HHIP: variants seen among roughly 807,000 people sequenced by gnomAD.
The protein encoded by HHIP is hedgehog interacting protein.
Under a neutral mutation model 74.0 loss-of-function variants are expected in HHIP, and 12 were observed. That is an observed-to-expected ratio of 0.16 (90% CI 0.10 to 0.26). HHIP has a LOEUF of 0.26. HHIP is among the 10% of genes least tolerant of loss of function. HHIP has a pLI of 1.00. For missense variants in HHIP, 788 were observed against 845.0 expected (o/e 0.93, Z 0.84); for synonymous variants, 309 against 311.6 (o/e 0.99, Z 0.09).
At position 144,652,477 on chromosome 4, in the gene HHIP, A is replaced by T; in HGVS notation, c.280-128A>T. 3 of 631,090 alleles carry T rather than the reference A, an allele frequency of 4.8e-6. No individual in the cohort carries two copies. In the South Asian group the frequency reaches 5.9e-5, roughly 12 times the overall value. 39.1% of individuals were successfully genotyped at this position (631,090 alleles called of 1,614,324 possible). On this transcript the variant is annotated intron_variant, in intron 1 of 12. Coordinates refer to ENST00000296575, the MANE Select transcript of HHIP (RefSeq NM_022475.3). ...AAGGCATTCTGTATTGTGACACAGT[A>T]ATTCTTTTCAAAAAACTTCATTGGC... is the stretch of plus-strand genomic sequence containing the variant.
In HHIP at chr4:144,741,336, T is replaced by A. The variant is rs1325937589; in HGVS notation, c.*3379T>A. On this transcript the variant is annotated 3_prime_UTR_variant, in exon 13 of 13. Coordinates refer to ENST00000296575, the MANE Select transcript of HHIP (RefSeq NM_022475.3). The stretch of plus-strand genomic sequence containing the variant: ...TTCTTTGAAAATAATTACAAAATAG[T>A]ATACTAACAATTTTAATCCATTTGC... The A allele has an allele frequency of 1.3e-5, 2 of 151,394 alleles. No homozygotes were observed. The highest frequency in any genetic ancestry group is 2.4e-5 in the African/African-American group (1 of 41,306). The allele number at this position is 151,394 out of a possible 1,614,324, so 9.4% of individuals were successfully genotyped here. A position where few individuals can be genotyped will look rare whatever the true frequency, so the allele number is the denominator to read the frequency against.
chr4:144,706,450 G>C (rs1730147525), intron 4 of HHIP, 81 bp from the exon 5 acceptor site: 1 of 1,122,814 alleles, frequency 8.9e-7, no homozygotes, highest in South Asian at 2.0e-5. Flanking sequence ...GAAAGAAAGA[G>C]ACTCTTTTGG....
intron 4 of HHIP, among the ~76,000 whole-genome samples, chr4:144,691,896 G>GA (rs10709525): frequency 4.3e-4 from 64 of 149,202 alleles, no homozygotes; most frequent in African/African-American, 6.9e-4. Context: ...TACCAAAATA[G>GA]AAAAAAAAAA....
At chr4:144,724,648 T>TTG (rs10565498) in intron 11 of HHIP, among the ~76,000 whole-genome samples, 2,087 of 142,446 alleles carry the variant, frequency 0.015, 15 homozygotes, top group African/African-American at 0.023. Context: ...CAGTCTTCTT[T>TTG]TGTGTGTGTG....
intron 7 of HHIP, 137 bp downstream of exon 7, chr4:144,708,448 C>A: frequency 1.4e-6 from 1 of 732,332 alleles, no homozygotes; most frequent in Non-Finnish European, 2.2e-6. Context: ...AAAGTCACAA[C>A]AGGTCATTAC....
Position 144,658,804 on chromosome 4 carries a change from A to C in HHIP, c.487A>C (p.Thr163Pro), listed in dbSNP as rs781667944. The C allele has an allele frequency of 1.1e-5, 18 of 1,612,016 alleles. No homozygotes were observed. The highest frequency in any genetic ancestry group is 5.9e-6 in the Non-Finnish European group (7 of 1,179,088). Residue 163 changes from threonine to proline, a missense_variant, in exon 3 of 13, where the codon ACT becomes CCT. Around this residue, in one of 3 missense-constraint regions of HHIP, gnomAD observed 373 missense variants for 366.4 expected, o/e 1.02. Coordinates refer to ENST00000296575, the MANE Select transcript of HHIP (RefSeq NM_022475.3). The stretch of plus-strand genomic sequence containing the variant: ...ATTTTTTAAAGGTTTCCTTCAAACA[A>C]CTGCGGATGAGTTTTGCTTTTACTA... ...RGHIPGFLQT[T>P]ADEFCFYYAR...
At position 144,652,716 on chromosome 4, in the gene HHIP, T is replaced by C. The variant is rs765474013; in HGVS notation, c.391T>C (p.Leu131=). Residue 131 remains leucine (L), a synonymous_variant, in exon 2 of 13, where the codon TTG becomes CTG. Coordinates refer to ENST00000296575, the MANE Select transcript of HHIP (RefSeq NM_022475.3). ...SLFHSPEREV[L]ERDLVLPLLC... Reference sequence around the variant, plus strand: ...GTTCCACTCACCTGAGAGAGAAGTCTTGGAAAGAGACCTAGTACTTCCTCT... The same window carrying C: ...GTTCCACTCACCTGAGAGAGAAGTCCTGGAAAGAGACCTAGTACTTCCTCT... 4.3e-6 allele frequency: 7 copies of C among 1,613,050 alleles called. No homozygotes were observed. In the Admixed American group the frequency reaches 6.7e-5, roughly 15 times the overall value.
At chr4:144,687,122 A>AG (rs1184701955) in intron 4 of HHIP, among the ~76,000 whole-genome samples, 1 of 152,106 alleles carries the variant, frequency 6.6e-6, no homozygotes, top group Admixed American at 6.6e-5. Context: ...CATTGGTTAC[A>AG]GCTTCATAAT....
At chr4:144,725,185 C>T (rs1730762689) in intron 11 of HHIP, among the ~76,000 whole-genome samples, 1 of 152,102 alleles carries the variant, frequency 6.6e-6, no homozygotes, top group Admixed American at 6.6e-5. Flanking sequence ...CTGAAACAGT[C>T]ATGCAAATTT....
chr4:144,671,260 A>C (rs1339892081), intron 4 of HHIP, among the ~76,000 whole-genome samples: 1 of 151,832 alleles, frequency 6.6e-6, no homozygotes, highest in East Asian at 1.9e-4. Context: ...ATAGCTCTTT[A>C]ATTGCATAAA....
At chr4:144,698,134 G>A (rs1194419861) in intron 4 of HHIP, among the ~76,000 whole-genome samples, 1 of 152,084 alleles carries the variant, frequency 6.6e-6, no homozygotes, top group East Asian at 1.9e-4. Context: ...TACCCCATGA[G>A]ACACTTCCTA....
rs1731190644 is a variant in HHIP at position 144,738,722 on chromosome 4, TCACCTAGATGAAA to T, written c.*771_*783del. On this transcript the variant is annotated 3_prime_UTR_variant, in exon 13 of 13. Transcript: ENST00000296575. Reference sequence around the variant, plus strand: ...TTATTTTATTTTTATAATATAGACATCACCTAGATGAAACACCTTTACCCTGTCCTGTAAAACA... The same window carrying T: ...TTATTTTATTTTTATAATATAGACATCACCTTTACCCTGTCCTGTAAAACA... 1 of 827,196 alleles carries T rather than the reference TCACCTAGATGAAA, an allele frequency of 1.2e-6. No individual in the cohort carries two copies. Among genetic ancestry groups the T allele is most frequent in the Admixed American group, 6.2e-5 (1 of 16,038 alleles). The allele number at this position is 827,196 out of a possible 1,614,324, so 51.2% of individuals were successfully genotyped here.
chr4:144,738,766 GT>G lies in HHIP; in HGVS notation c.*811del. On this transcript the variant is annotated 3_prime_UTR_variant, in exon 13 of 13. Coordinates refer to ENST00000296575, the MANE Select transcript of HHIP (RefSeq NM_022475.3). ...TTACCCTGTCCTGTAAAACACTAAAGTTACATTTTTCACCAACTTAATTGGA... is the reference window on the plus strand; with the variant it reads ...TTACCCTGTCCTGTAAAACACTAAAGTACATTTTTCACCAACTTAATTGGA... 1.2e-6 allele frequency: 1 copy of G among 807,190 alleles called. No homozygotes were observed. The highest frequency in any genetic ancestry group is 1.5e-6 in the Non-Finnish European group (1 of 667,220). The allele number at this position is 807,190 out of a possible 1,614,324, so 50.0% of individuals were successfully genotyped here.
chr4:144,684,061 T>TC (rs1553940421), intron 4 of HHIP, among the ~76,000 whole-genome samples: 1 of 141,492 alleles, frequency 7.1e-6, no homozygotes, highest in Non-Finnish European at 1.5e-5. Context: ...AGACTCCGTC[T>TC]AAAAAAAAAA....
intron 1 of HHIP, among the ~76,000 whole-genome samples, chr4:144,650,083 G>T (rs1445152465): frequency 6.6e-6 from 1 of 152,016 alleles, no homozygotes; most frequent in African/African-American, 2.4e-5. Context: ...TCCCCTCATC[G>T]AACCCATGTG....
At chr4:144,665,062 AT>A (rs1001063890) in intron 4 of HHIP, among the ~76,000 whole-genome samples, 3 of 152,090 alleles carry the variant, frequency 2.0e-5, no homozygotes, top group African/African-American at 7.2e-5. Flanking sequence ...AGATGTTTTT[AT>A]TTTTTTGTGT....
intron 2 of HHIP, among the ~76,000 whole-genome samples, chr4:144,658,351 G>GTATTTATTTATTTATT (rs139338114): frequency 2.7e-5 from 4 of 148,016 alleles, no homozygotes; most frequent in African/African-American, 7.5e-5. Context: ...TTTTTATTTA[G>GTATTTATTTATTTATT]TATTTATTTA....
At chr4:144,702,192 A>T (rs1730005500) in intron 4 of HHIP, among the ~76,000 whole-genome samples, 1 of 152,186 alleles carries the variant, frequency 6.6e-6, no homozygotes, top group Non-Finnish European at 1.5e-5. Flanking sequence ...TGTTATAATC[A>T]TTTTATGATT....
intron 4 of HHIP, among the ~76,000 whole-genome samples, chr4:144,668,162 T>C (rs1013011093): frequency 2.6e-5 from 4 of 151,650 alleles, no homozygotes; most frequent in African/African-American, 9.7e-5. Flanking sequence ...ATTAAAAATA[T>C]AAAAACTAGC....
Sources: gnomAD v4.1 joint callset for allele counts (sites outside exome capture counted in the v4.1 genomes callset) on GRCh38, gnomAD v4.1.1 for gene constraint, gnomAD v4.1.1 regional missense constraint, MANE v1.5 for transcripts, NCBI Gene and HGNC (gene_info 2026-07-23, HGNC 2026-07-21) for gene names.